Variants in TTC34 observed in about 807,000 individuals in gnomAD.
TTC34 encodes tetratricopeptide repeat domain 34.
TTC34 carries 44 observed loss-of-function variants against 40.7 expected under a neutral mutation model. The observed-to-expected ratio is 1.08, with a 90% confidence interval of 0.85 to 1.39. The LOEUF (loss-of-function observed/expected upper bound fraction) is 1.39. TTC34 is among the 40% of genes most tolerant of loss of function. The probability of loss-of-function intolerance (pLI) is 0.00; values close to 1 mark genes in which losing one functional copy is unlikely to be tolerated. For missense variants in TTC34, 884 were observed against 838.0 expected, an observed-to-expected ratio of 1.05 and a Z score of -0.68; for synonymous variants, 422 against 398.6, an observed-to-expected ratio of 1.06 and a Z score of -0.70.
intron 6 of TTC34, among the ~76,000 whole-genome samples, chr1:2,761,327 C>T (rs1382107834): frequency 3.7e-5 from 3 of 81,768 alleles, no homozygotes; most frequent in South Asian, 5.4e-4. Flanking sequence ...CCCACAACCC[C>T]AGGTGAGTAT....
intron 6 of TTC34, among the ~76,000 whole-genome samples, chr1:2,685,842 C>A (rs1570812237): frequency 6.6e-6 from 1 of 150,392 alleles, no homozygotes; most frequent in African/African-American, 2.5e-5. Flanking sequence ...CCCCCATGCC[C>A]AGGTGAGCCT....
intron 6 of TTC34, among the ~76,000 whole-genome samples, chr1:2,779,300 G>T (rs1226340508): frequency 6.6e-6 from 1 of 151,970 alleles, no homozygotes; most frequent in Non-Finnish European, 1.5e-5. Context: ...ATGTGGAATT[G>T]CTTGATCATA....
At chr1:2,685,381 C>T (rs1406434659) in intron 6 of TTC34, among the ~76,000 whole-genome samples, 1 of 142,398 alleles carries the variant, frequency 7.0e-6, no homozygotes, top group Non-Finnish European at 1.5e-5. Flanking sequence ...ATCTGATGTT[C>T]TGGAGCATCA....
chr1:2,641,764 G>A (rs780050508), exon 9 of TTC34: 80 of 1,535,130 alleles, frequency 5.2e-5, no homozygotes, highest in South Asian at 1.2e-4. Flanking sequence ...CCTGCAACTC[G>A]GCCAGGCAGG....
chr1:2,671,580 A>AAACG (rs1639702059), intron 6 of TTC34, among the ~76,000 whole-genome samples: 54 of 64,572 alleles, frequency 8.4e-4, no homozygotes, highest in Non-Finnish European at 1.6e-3. Context: ...AGCCTGGAGC[A>AAACG]GCACCCACAC....
At chr1:2,685,671 AC>A (rs1640301781) in intron 6 of TTC34, among the ~76,000 whole-genome samples, 1 of 137,676 alleles carries the variant, frequency 7.3e-6, no homozygotes, top group Non-Finnish European at 1.6e-5. Context: ...CTGGAGCAGA[AC>A]CCACACCCCC....
At chr1:2,779,830 T>C (rs1034897500) in intron 6 of TTC34, among the ~76,000 whole-genome samples, 32 of 152,202 alleles carry the variant, frequency 2.1e-4, no homozygotes, top group Admixed American at 2.1e-3. Flanking sequence ...TCCCTGATGA[T>C]TGGTGATGTC....
chr1:2,783,878 G>A, intron 5 of TTC34, 103 bp from the exon 6 acceptor site: 4 of 1,161,320 alleles, frequency 3.4e-6, no homozygotes, highest in Admixed American at 7.0e-5. Context: ...TGAGCTTCAG[G>A]GCCTACCTTG....
At chr1:2,779,184 G>T (rs1643433053) in intron 6 of TTC34, among the ~76,000 whole-genome samples, 1 of 152,150 alleles carries the variant, frequency 6.6e-6, no homozygotes, top group Admixed American at 6.5e-5. Context: ...GGACACCTGG[G>T]TGCCTTCCAC....
chr1:2,769,692 G>C (rs1481252837), intron 6 of TTC34, among the ~76,000 whole-genome samples: 1 of 121,300 alleles, frequency 8.2e-6, no homozygotes, highest in South Asian at 2.8e-4. Context: ...GCATCTGACA[G>C]TCTGGAGCAG....
intron 6 of TTC34, among the ~76,000 whole-genome samples, chr1:2,767,796 A>T (rs567118978): frequency 1.4e-5 from 2 of 145,266 alleles, no homozygotes; most frequent in African/African-American, 5.0e-5. Context: ...AGCCTGGGGC[A>T]GCACCCACAC....
At chr1:2,794,946 G>A (rs188635534) in intron 2 of TTC34, among the ~76,000 whole-genome samples, 16 of 152,044 alleles carry the variant, frequency 1.1e-4, no homozygotes, top group Middle Eastern at 3.4e-3. Context: ...ACGAAATGTT[G>A]GCTAAAATGC....
rs1641527388 is a variant in TTC34, at chr1:2,756,974, A to T, written c.2226+26635T>A. Among the ~76,000 whole-genome samples the T allele has an allele frequency of 1.1e-3, 158 of 148,652 alleles. No homozygotes were observed. The Middle Eastern group carries it at 0.011, about 10-fold the overall frequency. ...CCAGGTGAGCATCTGACAGACTGGA[A>T]CAGCACCCACACGCCCAGGTGAGCC... On this transcript the variant is annotated intron_variant, in intron 6 of 8. Transcript: ENST00000401095.
chr1:2,750,158 A>ACACC (rs1641268019), intron 6 of TTC34, among the ~76,000 whole-genome samples: 1 of 79,328 alleles, frequency 1.3e-5, no homozygotes, highest in South Asian at 4.3e-4. Context: ...GGAGCAGAAC[A>ACACC]AACACCCCCA....
rs1270959665 is a variant in TTC34 at position 2,657,503 on chromosome 1, C to A, written c.2227-11940G>T. Among the ~76,000 whole-genome samples, 6 of 97,252 alleles carry A rather than the reference C, an allele frequency of 6.2e-5. No individual in the cohort carries two copies. The South Asian group carries it at 1.5e-3, about 24-fold the overall frequency. 63.8% of individuals were successfully genotyped at this position (97,252 alleles called of 152,430 possible). A position where few individuals can be genotyped will look rare whatever the true frequency, so the allele number is the denominator to read the frequency against. On this transcript the variant is annotated intron_variant, in intron 6 of 8. Transcript: ENST00000401095. Reference sequence around the variant, plus strand: ...ACCGAACGGAGCAGCACCCACAACCCCAGGCGAGCATCTGACAGCATGAAA... The same window carrying A: ...ACCGAACGGAGCAGCACCCACAACCACAGGCGAGCATCTGACAGCATGAAA...
chr1:2,762,058 C>T (rs1203928621), intron 6 of TTC34, among the ~76,000 whole-genome samples: 4 of 46,636 alleles, frequency 8.6e-5, no homozygotes, highest in East Asian at 7.2e-4. Context: ...CACCCCCGGG[C>T]GAGCATCTGA....
In TTC34 at chr1:2,752,047, CACCCCCAG is replaced by C. The variant is rs1641337758; in HGVS notation, c.2226+31554_2226+31561del. Among the ~76,000 whole-genome samples the C allele has an allele frequency of 1.8e-5, 2 of 112,288 alleles. 1 individual carries two copies. The highest frequency in any genetic ancestry group is 6.4e-4 in the East Asian group (2 of 3,148). The allele number at this position is 112,288 out of a possible 152,430, so 73.7% of individuals were successfully genotyped here. On this transcript the variant is annotated intron_variant, in intron 6 of 8. Transcript: ENST00000401095. ...ATCTGACAGCGTGGAGCAGCACCGACACCCCCAGGCGAACATCTGAACGCACGGAGCAG... is the reference window on the plus strand; with the variant it reads ...ATCTGACAGCGTGGAGCAGCACCGACGCGAACATCTGAACGCACGGAGCAG...
At chr1:2,768,419 C>A (rs1314625737) in intron 6 of TTC34, among the ~76,000 whole-genome samples, 27 of 151,862 alleles carry the variant, frequency 1.8e-4, no homozygotes, top group Admixed American at 8.5e-4. Context: ...ACCCTCCACC[C>A]CCAGGTGAGC....
chr1:2,753,028 T>C (rs1474102498), intron 6 of TTC34, among the ~76,000 whole-genome samples: 1 of 146,410 alleles, frequency 6.8e-6, no homozygotes, highest in Non-Finnish European at 1.5e-5. Flanking sequence ...CAGGTGAGCA[T>C]CCGACAGCCT....
Sources: allele counts gnomAD v4.1 joint callset (sites outside exome capture counted in the v4.1 genomes callset), GRCh38; gene constraint gnomAD v4.1.1; transcripts MANE v1.5; gene names NCBI Gene and HGNC (gene_info 2026-07-23, HGNC 2026-07-21).